MALRD1: variants seen among roughly 807,000 people sequenced by gnomAD.
MALRD1 encodes the protein MAM and LDL receptor class A domain containing 1, also known as MAM and LDL-receptor class A domain-containing protein 1.
MALRD1 carries 247 observed loss-of-function variants against 242.1 expected under a neutral mutation model. The ratio of observed to expected loss-of-function variants is 1.02; its 90% CI spans 0.92 to 1.13. The LOEUF (loss-of-function observed/expected upper bound fraction) is 1.13, where lower values mean the gene tolerates loss of function less well. MALRD1 is among the 50% of genes most tolerant of loss of function. MALRD1 has a pLI of 0.00. For missense variants in MALRD1, 2,989 were observed against 2,533.1 expected, an observed-to-expected ratio of 1.18 and a Z score of -3.86; for synonymous variants, 995 against 866.6, an observed-to-expected ratio of 1.15 and a Z score of -2.60.
chr10:19,624,148 T>C (rs540310041), intron 36 of MALRD1, among the ~76,000 whole-genome samples: 2 of 150,326 alleles, frequency 1.3e-5, no homozygotes, highest in East Asian at 3.9e-4. Flanking sequence ...GACCTAACAA[T>C]TCCATTTATA....
intron 38 of MALRD1, among the ~76,000 whole-genome samples, chr10:19,704,859 G>A (rs1004162327): frequency 2.0e-5 from 3 of 152,098 alleles, no homozygotes; most frequent in African/African-American, 7.2e-5. Flanking sequence ...GATAAGGAAA[G>A]AAAGAGGCCA....
intron 36 of MALRD1, among the ~76,000 whole-genome samples, chr10:19,691,533 A>T (rs1274350620): frequency 6.6e-6 from 1 of 152,086 alleles, no homozygotes; most frequent in Non-Finnish European, 1.5e-5. Flanking sequence ...CGTAATTTGT[A>T]TCCTGTTACT....
At chr10:19,713,118 A>G (rs1834217780) in intron 38 of MALRD1, among the ~76,000 whole-genome samples, 4 of 152,044 alleles carry the variant, frequency 2.6e-5, no homozygotes, top group Admixed American at 2.0e-4. Flanking sequence ...TCTTTCTTCT[A>G]CCTTCTTCCT....
intron 31 of MALRD1, among the ~76,000 whole-genome samples, chr10:19,513,608 G>C (rs1051057263): frequency 2.0e-5 from 3 of 151,820 alleles, no homozygotes; most frequent in African/African-American, 7.3e-5. Flanking sequence ...GCGTGGTAGC[G>C]GGTGCCTGTA....
At chr10:19,054,109 T>G (rs1359705611) in intron 1 of MALRD1, among the ~76,000 whole-genome samples, 1 of 152,160 alleles carries the variant, frequency 6.6e-6, no homozygotes, top group East Asian at 1.9e-4. Flanking sequence ...TGTAATTTTT[T>G]TAAAAAAATT....
chr10:19,237,711 T>TA (rs531641057), intron 18 of MALRD1, among the ~76,000 whole-genome samples: 24,703 of 121,990 alleles, frequency 0.2, 2,735 homozygotes, highest in Admixed American at 0.31. Flanking sequence ...ATTATATATA[T>TA]ATTTATATAT....
chr10:19,633,840 CTTT>C (rs1041174965), intron 36 of MALRD1: 12 of 126,526 alleles, frequency 9.5e-5, no homozygotes, highest in Non-Finnish European at 1.1e-4. Flanking sequence ...TCTTTTCTTT[CTTT>C]TTTTTTTTTT....
chr10:19,473,554 C>T (rs1836597129), intron 29 of MALRD1, among the ~76,000 whole-genome samples: 1 of 152,060 alleles, frequency 6.6e-6, no homozygotes, highest in Non-Finnish European at 1.5e-5. Flanking sequence ...GGGTGCCACA[C>T]ATGAGTGGAA....
intron 33 of MALRD1, among the ~76,000 whole-genome samples, chr10:19,578,230 G>A (rs895297175): frequency 1.3e-5 from 2 of 152,092 alleles, no homozygotes; most frequent in African/African-American, 2.4e-5. Context: ...TCTTATTGAT[G>A]TGTAAGAATA....
At chr10:19,259,914 A>G (rs1258338285) in intron 19 of MALRD1, among the ~76,000 whole-genome samples, 2 of 151,992 alleles carry the variant, frequency 1.3e-5, no homozygotes, top group African/African-American at 4.8e-5. Flanking sequence ...CTTATGGTTA[A>G]ATTTCTATTT....
At chr10:19,643,661 C>A (rs1442828115) in intron 36 of MALRD1, among the ~76,000 whole-genome samples, 3 of 152,084 alleles carry the variant, frequency 2.0e-5, no homozygotes, top group African/African-American at 2.4e-5. Flanking sequence ...GTGTAGACAC[C>A]AGTATGTTTT....
intron 18 of MALRD1, among the ~76,000 whole-genome samples, chr10:19,217,126 C>A (rs1384556942): frequency 6.6e-6 from 1 of 152,100 alleles, no homozygotes; most frequent in Middle Eastern, 3.2e-3. Flanking sequence ...CATTTTTGGA[C>A]CTCCTCACTG....
intron 29 of MALRD1, among the ~76,000 whole-genome samples, chr10:19,452,609 A>G (rs1247970955): frequency 1.3e-5 from 2 of 152,228 alleles, no homozygotes; most frequent in Admixed American, 6.5e-5. Context: ...AAACATGAAA[A>G]AATTATGAGA....
At chr10:19,497,904 CTG>C (rs1487864288) in intron 30 of MALRD1, among the ~76,000 whole-genome samples, 3 of 152,166 alleles carry the variant, frequency 2.0e-5, no homozygotes, top group South Asian at 2.1e-4. Context: ...ATTTTTCTCA[CTG>C]TGAATAATTT....
At chr10:19,317,328 A>C (rs1180022696) in intron 21 of MALRD1, among the ~76,000 whole-genome samples, 2 of 151,868 alleles carry the variant, frequency 1.3e-5, no homozygotes, top group African/African-American at 2.4e-5. Context: ...TAAGGAAAGT[A>C]ATCCCAATCA....
At chr10:19,699,806 A>T (rs545605651) in intron 38 of MALRD1, among the ~76,000 whole-genome samples, 2 of 152,054 alleles carry the variant, frequency 1.3e-5, no homozygotes, top group East Asian at 3.9e-4. Context: ...AAACGACCAG[A>T]TCTGGTGAGA....
intron 26 of MALRD1, among the ~76,000 whole-genome samples, chr10:19,353,489 C>T (rs980307169): frequency 2.6e-4 from 40 of 152,256 alleles, no homozygotes; most frequent in African/African-American, 8.4e-4. Context: ...CTGCCTTCCC[C>T]GTTTATTTCA....
intron 21 of MALRD1, among the ~76,000 whole-genome samples, chr10:19,286,590 G>A (rs1487345969): frequency 6.6e-6 from 1 of 151,900 alleles, no homozygotes; most frequent in Admixed American, 6.6e-5. Flanking sequence ...TACATTCCTC[G>A]ACACATACAC....
chr10:19,192,528 CA>C (rs1836033291), intron 14 of MALRD1, among the ~76,000 whole-genome samples: 1 of 152,074 alleles, frequency 6.6e-6, no homozygotes, highest in South Asian at 2.1e-4. Context: ...CTCAGTCTTG[CA>C]GCCACAAGAA....
Sources: gnomAD v4.1 joint callset for allele counts (sites outside exome capture counted in the v4.1 genomes callset) on GRCh38, gnomAD v4.1.1 for gene constraint, MANE v1.5 for transcripts, NCBI Gene and HGNC (gene_info 2026-07-23, HGNC 2026-07-21) for gene names.